The following SMARCAD1 variants were observed in gnomAD, a reference collection of about 807,000 sequenced individuals.
SMARCAD1 encodes SNF2 related chromatin remodeling ATPase with DExD box 1, also known as SWI/SNF-related matrix-associated actin-dependent regulator of chromatin subfamily A containing DEAD/H box 1.
A neutral mutation model predicts 127.1 loss-of-function variants in SMARCAD1; 25 were observed. The observed-to-expected ratio is 0.20, with a 90% CI of 0.14 to 0.27. The LOEUF (loss-of-function observed/expected upper bound fraction) is 0.27, where lower values mean the gene tolerates loss of function less well. Ranked by LOEUF, SMARCAD1 falls within the 10% of genes least tolerant of loss-of-function variation. SMARCAD1 has a pLI of 1.00. For synonymous variants in SMARCAD1, 400 were observed against 396.9 expected, an observed-to-expected ratio of 1.01 and a Z score of -0.09; for missense variants, 807 against 1,206.0, an observed-to-expected ratio of 0.67 and a Z score of 4.90.
chr4:94,214,486 C>G (rs1742832666), intron 2 of SMARCAD1, among the ~76,000 whole-genome samples: 1 of 151,550 alleles, frequency 6.6e-6, no homozygotes, highest in Non-Finnish European at 1.5e-5. Flanking sequence ...CCAGGATGGT[C>G]TCAATCTCCT....
At chr4:94,209,454 G>A (rs977988575) in intron 2 of SMARCAD1, among the ~76,000 whole-genome samples, 1 of 152,136 alleles carries the variant, frequency 6.6e-6, no homozygotes, top group Admixed American at 6.6e-5. Context: ...AAGGAATGTT[G>A]GAAGTTATAT....
rs1240197700 is a variant in SMARCAD1, at chr4:94,290,647, G to T, written c.*1113G>T. 1 of 454,010 alleles carries T rather than the reference G, an allele frequency of 2.2e-6. No individual in the cohort carries two copies. The highest frequency in any genetic ancestry group is 4.4e-6 in the Non-Finnish European group (1 of 226,662). The allele number at this position is 454,010 out of a possible 1,614,324, so 28.1% of individuals were successfully genotyped here. A position where few individuals can be genotyped will look rare whatever the true frequency, so the allele number is the denominator to read the frequency against. On this transcript the variant is annotated 3_prime_UTR_variant, in exon 24 of 24. Transcript: ENST00000354268. ...GTGAGTGACAAAGTGAAATTTAGAA[G>T]TGAAGTTGTCTATTTGATATTTAAC...
At chr4:94,244,737 A>G (rs1380615823) in intron 6 of SMARCAD1, among the ~76,000 whole-genome samples, 2 of 151,416 alleles carry the variant, frequency 1.3e-5, no homozygotes, top group Non-Finnish European at 2.9e-5. Flanking sequence ...GTTAAAGAGG[A>G]TGAATGCCCC....
chr4:94,257,783 A>G (rs915149966), intron 9 of SMARCAD1, among the ~76,000 whole-genome samples: 1 of 152,040 alleles, frequency 6.6e-6, no homozygotes, highest in Non-Finnish European at 1.5e-5. Context: ...GATCACCTCC[A>G]TATCTTTATG....
At chr4:94,282,338 C>T (rs1219588072) in intron 21 of SMARCAD1, among the ~76,000 whole-genome samples, 4 of 151,108 alleles carry the variant, frequency 2.6e-5, no homozygotes, top group East Asian at 2.0e-4. Flanking sequence ...CCTCGTGATC[C>T]GCCCGCCTCG....
chr4:94,250,848 T>C lies in SMARCAD1; in HGVS notation c.889+15T>C. The C allele has an allele frequency of 6.3e-7, 1 of 1,579,450 alleles. No homozygotes were observed. The highest frequency in any genetic ancestry group is 8.7e-7 in the Non-Finnish European group (1 of 1,149,034). On this transcript the variant is annotated intron_variant, in intron 8 of 23. Transcript: ENST00000354268. ...AGAAGACCAAGGTAATTATTCTGGG[T>C]CATAGAAAATACATACTTCTCATTA...
intron 10 of SMARCAD1, among the ~76,000 whole-genome samples, chr4:94,269,378 A>G (rs1388646588): frequency 6.6e-6 from 1 of 152,210 alleles, no homozygotes; most frequent in Non-Finnish European, 1.5e-5. Context: ...CTATGTTTTC[A>G]CATTAATGTA....
intron 6 of SMARCAD1, among the ~76,000 whole-genome samples, chr4:94,249,285 G>A (rs1748917864): frequency 6.6e-6 from 1 of 152,074 alleles, no homozygotes; most frequent in South Asian, 2.1e-4. Flanking sequence ...AGTGAACATA[G>A]ATGAGATATT....
At chr4:94,251,511 G>C (rs912781607) in intron 8 of SMARCAD1, among the ~76,000 whole-genome samples, 2 of 152,086 alleles carry the variant, frequency 1.3e-5, no homozygotes, top group African/African-American at 4.8e-5. Context: ...ATGATATTCT[G>C]TGGCAAAAAG....
rs551836144 is a variant in SMARCAD1 at position 94,237,046 on chromosome 4, T to C, written c.604+28T>C. 2.2e-5 allele frequency: 35 copies of C among 1,587,442 alleles called. No individual in the cohort carries two copies. In the South Asian group the frequency reaches 3.4e-4, roughly 16 times the overall value. On this transcript the variant is annotated intron_variant, in intron 5 of 23. Coordinates refer to ENST00000354268, the MANE Select transcript of SMARCAD1 (RefSeq NM_020159.5). ...ATGCTTGACTTAATTTTAAGCCATGTCGATTTATTGTTACGTCATAATAAT... is the reference window on the plus strand; with the variant it reads ...ATGCTTGACTTAATTTTAAGCCATGCCGATTTATTGTTACGTCATAATAAT...
intron 23 of SMARCAD1, among the ~76,000 whole-genome samples, chr4:94,287,462 T>C (rs1257731547): frequency 6.6e-6 from 1 of 152,222 alleles, no homozygotes; most frequent in African/African-American, 2.4e-5. Flanking sequence ...AAGACCATGA[T>C]TCCTCTCAAA....
At chr4:94,223,117 C>T (rs1744416059) in intron 2 of SMARCAD1, among the ~76,000 whole-genome samples, 2 of 152,044 alleles carry the variant, frequency 1.3e-5, no homozygotes, top group African/African-American at 2.4e-5. Context: ...TTTTAGACCC[C>T]CCTACAGGTG....
intron 23 of SMARCAD1, 81 bp from the exon 24 acceptor site, chr4:94,289,392 A>ACC: frequency 3.1e-6 from 4 of 1,303,346 alleles, no homozygotes; most frequent in Non-Finnish European, 4.4e-6. Flanking sequence ...AGAATTCACC[A>ACC]AAGAAAAAAA....
At chr4:94,243,892 A>G (rs551896016) in intron 6 of SMARCAD1, among the ~76,000 whole-genome samples, 2 of 152,350 alleles carry the variant, frequency 1.3e-5, no homozygotes, top group African/African-American at 4.8e-5. Context: ...AAAATGCCAC[A>G]CAGTACATGC....
intron 2 of SMARCAD1, among the ~76,000 whole-genome samples, chr4:94,217,080 C>T (rs906047616): frequency 1.3e-5 from 2 of 152,202 alleles, no homozygotes; most frequent in African/African-American, 4.8e-5. Flanking sequence ...TCCACATCCT[C>T]TCCAACCTTG....
chr4:94,264,900 A>C lies in SMARCAD1; in HGVS notation c.1475A>C (p.Asn492Thr). Residue 492 changes from asparagine to threonine, a missense_variant, in exon 10 of 24, where the codon AAC becomes ACC. This residue lies in a region of SMARCAD1 where 257 missense variants were observed against 303.4 expected (regional missense o/e 0.85). Coordinates refer to ENST00000354268, the MANE Select transcript of SMARCAD1 (RefSeq NM_020159.5). The stretch of plus-strand genomic sequence containing the variant: ...AACATAGAACAACCTTCCATTCTAA[A>C]CCAAAGGTAATCTTTGTTGAATATA... ...GWNIEQPSIL[N>T]QSLSLKPYQK... is the part of the protein sequence containing the mutation. 6.2e-7 allele frequency: 1 copy of C among 1,610,038 alleles called. No homozygotes were observed. Among genetic ancestry groups the C allele is most frequent in the Non-Finnish European group, 8.5e-7 (1 of 1,176,712 alleles).
In SMARCAD1 at chr4:94,282,109, T is replaced by TG. The variant is rs1415380792; in HGVS notation, c.2726+519_2726+520insG. On this transcript the variant is annotated intron_variant, in intron 21 of 23. Transcript: ENST00000354268. Reference sequence around the variant, plus strand: ...GCAAATACGTTTTTTTGTTTTTTTTTTTTTTTTTGAGACGGAGTCTCGCTC... The same window carrying TG: ...GCAAATACGTTTTTTTGTTTTTTTTTGTTTTTTTTGAGACGGAGTCTCGCTC... 7.0e-4 allele frequency among the ~76,000 whole-genome samples: 67 copies of TG among 95,780 alleles called. 3 individuals are homozygous for TG. Among genetic ancestry groups the TG allele is most frequent in the Admixed American group, 2.3e-3 (23 of 9,902 alleles). The allele number at this position is 95,780 out of a possible 152,430, so 62.8% of individuals were successfully genotyped here.
chr4:94,270,333 G>GT (rs1263878882), intron 10 of SMARCAD1, among the ~76,000 whole-genome samples: 2 of 151,852 alleles, frequency 1.3e-5, no homozygotes, highest in Non-Finnish European at 1.5e-5. Flanking sequence ...TTATGTTTGT[G>GT]TTTTTTTGTC....
intron 10 of SMARCAD1, among the ~76,000 whole-genome samples, chr4:94,270,304 A>G (rs1053739284): frequency 1.3e-5 from 2 of 152,096 alleles, no homozygotes; most frequent in African/African-American, 2.4e-5. Context: ...TATTAAACCT[A>G]CCTGGCCAAA....
Sources: allele counts gnomAD v4.1 joint callset (sites outside exome capture counted in the v4.1 genomes callset), GRCh38; gene constraint gnomAD v4.1.1; regional missense constraint gnomAD v4.1.1; transcripts MANE v1.5; gene names NCBI Gene and HGNC (gene_info 2026-07-23, HGNC 2026-07-21).